SH3RF3: variants seen among roughly 807,000 people sequenced by gnomAD.
SH3RF3 encodes E3 ubiquitin-protein ligase SH3RF3.
A neutral mutation model predicts 66.3 loss-of-function variants in SH3RF3; 29 were observed. The observed-to-expected ratio is 0.44, with a 90% CI of 0.33 to 0.60. The LOEUF (loss-of-function observed/expected upper bound fraction) is 0.60, where lower values mean the gene tolerates loss of function less well. Among genes scored for constraint, SH3RF3 ranks in the 20% least tolerant of loss-of-function variants. The probability of loss-of-function intolerance (pLI) is 0.04; values close to 1 mark genes in which losing one functional copy is unlikely to be tolerated. For missense variants in SH3RF3, 1,194 were observed against 1,190.9 expected (o/e 1.00, Z -0.04); for synonymous variants, 583 against 532.0 (o/e 1.10, Z -1.32).
At chr2:109,472,817 A>G (rs1030119914) in intron 8 of SH3RF3, among the ~76,000 whole-genome samples, 6 of 152,196 alleles carry the variant, frequency 3.9e-5, no homozygotes, top group Admixed American at 6.5e-5. Flanking sequence ...TGGAAATCCA[A>G]CACACAGCAA....
intron 9 of SH3RF3, among the ~76,000 whole-genome samples, chr2:109,495,064 G>A (rs36177449): frequency 0.26 from 38,784 of 152,058 alleles, 5,306 homozygotes; most frequent in East Asian, 0.5. Flanking sequence ...CCAAGCCCAC[G>A]AGCCTGGGGT....
chr2:109,227,777 A>C (rs1348032525), intron 1 of SH3RF3, among the ~76,000 whole-genome samples: 6 of 151,984 alleles, frequency 3.9e-5, no homozygotes, highest in African/African-American at 1.5e-4. Context: ...TGGGTAGGTC[A>C]CCCCCCAGCC....
intron 1 of SH3RF3, among the ~76,000 whole-genome samples, chr2:109,240,826 A>G (rs767694069): frequency 4.4e-4 from 67 of 151,398 alleles, no homozygotes; most frequent in Non-Finnish European, 8.1e-4. Flanking sequence ...ACTTCTTCCT[A>G]CTGGACTCCT....
chr2:109,396,812 G>A (rs1676160849), intron 3 of SH3RF3, among the ~76,000 whole-genome samples: 1 of 152,256 alleles, frequency 6.6e-6, no homozygotes, highest in East Asian at 1.9e-4. Context: ...TGGCCACAGA[G>A]CGGGCGTGAC....
At chr2:109,346,164 A>G (rs1682691677) in intron 1 of SH3RF3, among the ~76,000 whole-genome samples, 1 of 152,156 alleles carries the variant, frequency 6.6e-6, no homozygotes, top group African/African-American at 2.4e-5. Flanking sequence ...CAGAATGAGT[A>G]TTATTGGAAG....
chr2:109,168,576 C>A (rs2104935326), intron 1 of SH3RF3, among the ~76,000 whole-genome samples: 1 of 152,326 alleles, frequency 6.6e-6, no homozygotes, highest in South Asian at 2.1e-4. Flanking sequence ...AATCTTCGGA[C>A]TGTAATGTTG....
At chr2:109,409,029 G>A (rs1676522050) in intron 4 of SH3RF3, among the ~76,000 whole-genome samples, 1 of 152,222 alleles carries the variant, frequency 6.6e-6, no homozygotes, top group Non-Finnish European at 1.5e-5. Flanking sequence ...CGAGAAAGGG[G>A]TCCTATAACT....
intron 1 of SH3RF3, among the ~76,000 whole-genome samples, chr2:109,310,135 A>G (rs1372320678): frequency 1.3e-5 from 1 of 78,790 alleles, no homozygotes; most frequent in Non-Finnish European, 2.2e-5. Context: ...AATTATAACA[A>G]ACTATCTCTC....
intron 3 of SH3RF3, among the ~76,000 whole-genome samples, chr2:109,392,794 C>T (rs541272184): frequency 5.8e-4 from 89 of 152,244 alleles, no homozygotes; most frequent in Non-Finnish European, 1.0e-3. Context: ...AGATTACAGG[C>T]GTCAGCCACC....
chr2:109,335,319 C>T (rs1424482123), intron 1 of SH3RF3, among the ~76,000 whole-genome samples: 1 of 152,226 alleles, frequency 6.6e-6, no homozygotes, highest in Non-Finnish European at 1.5e-5. Flanking sequence ...TCTCCCTATG[C>T]CTCAAGTTTC....
At chr2:109,379,461 A>C (rs1683462468) in intron 3 of SH3RF3, among the ~76,000 whole-genome samples, 1 of 152,144 alleles carries the variant, frequency 6.6e-6, no homozygotes, top group African/African-American at 2.4e-5. Flanking sequence ...GGTGTTCCCT[A>C]CACTTCTGCT....
rs1680877997 is a variant in SH3RF3 at position 109,281,055 on chromosome 2, A to G, written c.574-66619A>G. ...ATGCTGTCCCCAGAGCCGACCTTGT[A>G]TGCCATGACAGGGCCAGAGAGAGAG... is the stretch of plus-strand genomic sequence containing the variant. On this transcript the variant is annotated intron_variant, in intron 1 of 9. Transcript: ENST00000309415. Among the ~76,000 whole-genome samples, 6 of 152,218 alleles carry G rather than the reference A, an allele frequency of 3.9e-5. No individual in the cohort carries two copies. In the South Asian group the frequency reaches 1.0e-3, roughly 26 times the overall value.
At chr2:109,491,610 C>T (rs972514962) in intron 9 of SH3RF3, among the ~76,000 whole-genome samples, 1 of 152,122 alleles carries the variant, frequency 6.6e-6, no homozygotes, top group Non-Finnish European at 1.5e-5. Flanking sequence ...TTGGGTTTCA[C>T]CTGGGGCTAG....
At chr2:109,352,128 A>G (rs576712719) in intron 2 of SH3RF3, among the ~76,000 whole-genome samples, 3 of 152,280 alleles carry the variant, frequency 2.0e-5, no homozygotes, top group East Asian at 1.9e-4. Context: ...AATGGAGTTG[A>G]TATTAGGATT....
At chr2:109,254,524 T>G (rs1184689023) in intron 1 of SH3RF3, among the ~76,000 whole-genome samples, 1 of 152,220 alleles carries the variant, frequency 6.6e-6, no homozygotes, top group Non-Finnish European at 1.5e-5. Context: ...ACTGAGCTGA[T>G]GTACCTGGGT....
chr2:109,226,501 A>G lies in SH3RF3; in HGVS notation c.573+96388A>G, dbSNP rs115436887. Among the ~76,000 whole-genome samples, 816 of 152,342 alleles carry G rather than the reference A, an allele frequency of 5.4e-3. 11 individuals are homozygous for G. The highest frequency in any genetic ancestry group is 0.019 in the African/African-American group (785 of 41,568). ...ACCTCTTAAGACATAAACCAAAAAT[A>G]AACTGTAGCAACCACTTCTTTTTAA... On this transcript the variant is annotated intron_variant, in intron 1 of 9. Coordinates refer to ENST00000309415, the MANE Select transcript of SH3RF3 (RefSeq NM_001099289.3).
intron 8 of SH3RF3, among the ~76,000 whole-genome samples, chr2:109,485,424 A>G (rs1402972759): frequency 6.6e-6 from 1 of 152,244 alleles, no homozygotes; most frequent in Non-Finnish European, 1.5e-5. Flanking sequence ...ACAATTTTCC[A>G]TAACTTTTAA....
intron 1 of SH3RF3, among the ~76,000 whole-genome samples, chr2:109,347,351 C>G (rs1027087858): frequency 3.9e-5 from 6 of 152,072 alleles, no homozygotes; most frequent in African/African-American, 1.4e-4. Flanking sequence ...CCTCAGTGTC[C>G]CCATCTGTAA....
At chr2:109,242,617 C>A (rs1679813653) in intron 1 of SH3RF3, among the ~76,000 whole-genome samples, 1 of 152,234 alleles carries the variant, frequency 6.6e-6, no homozygotes, top group African/African-American at 2.4e-5. Flanking sequence ...TTTGACTTTT[C>A]CTTACTGGGC....
Sources: gnomAD v4.1 joint callset for allele counts (sites outside exome capture counted in the v4.1 genomes callset) on GRCh38, gnomAD v4.1.1 for gene constraint, MANE v1.5 for transcripts, NCBI Gene and HGNC (gene_info 2026-07-23, HGNC 2026-07-21) for gene names.